The following KLHL1 variants were observed in gnomAD, a reference collection of about 807,000 sequenced individuals.
The protein encoded by KLHL1 is kelch-like protein 1.
A neutral mutation model predicts 77.7 loss-of-function variants in KLHL1; 47 were observed. The observed-to-expected ratio is 0.60, with a 90% CI of 0.48 to 0.77. KLHL1 has a LOEUF of 0.77. Among genes scored for constraint, KLHL1 ranks in the 30% least tolerant of loss-of-function variants. The pLI is 0.00. For missense variants in KLHL1, 925 were observed against 910.8 expected (o/e 1.02, Z -0.20); for synonymous variants, 360 against 325.2 (o/e 1.11, Z -1.15).
At chr13:70,098,321 T>C (rs1208644275) in intron 1 of KLHL1, among the ~76,000 whole-genome samples, 2 of 151,912 alleles carry the variant, frequency 1.3e-5, no homozygotes, top group African/African-American at 4.8e-5. Context: ...TTTTTGCTTT[T>C]ATTTTTGCTA....
At position 69,855,305 on chromosome 13, in the gene KLHL1, TAGATAGATAGATA is replaced by T. The variant is rs1406845205; in HGVS notation, c.1228-16156_1228-16144del. Among the ~76,000 whole-genome samples the T allele has an allele frequency of 5.9e-4, 61 of 103,536 alleles. 1 individual carries two copies. The highest frequency in any genetic ancestry group is 2.3e-3 in the African/African-American group (59 of 25,818). The allele number at this position is 103,536 out of a possible 152,430, so 67.9% of individuals were successfully genotyped here. ...TACTAATTTTAGATAGATAGATAGA[TAGATAGATAGATA>T]GATAGATAGATAGATAGATAGATAG... On this transcript the variant is annotated intron_variant, in intron 5 of 10. Coordinates refer to ENST00000377844, the MANE Select transcript of KLHL1 (RefSeq NM_020866.3).
chr13:70,004,535 C>T (rs375376132), intron 1 of KLHL1, among the ~76,000 whole-genome samples: 47 of 151,760 alleles, frequency 3.1e-4, no homozygotes, highest in South Asian at 2.3e-3. Context: ...GACTAGTCCA[C>T]GTTTCCTTTT....
At chr13:70,072,547 T>C (rs901662232) in intron 1 of KLHL1, among the ~76,000 whole-genome samples, 6 of 152,102 alleles carry the variant, frequency 3.9e-5, no homozygotes, top group Non-Finnish European at 5.9e-5. Flanking sequence ...CTCAATGAGA[T>C]ATGAGCACAT....
At chr13:69,734,137 C>T (rs1474000244) in intron 8 of KLHL1, among the ~76,000 whole-genome samples, 1 of 152,066 alleles carries the variant, frequency 6.6e-6, no homozygotes, top group Non-Finnish European at 1.5e-5. Flanking sequence ...TAGCACTATC[C>T]CTCTTGGTAC....
intron 9 of KLHL1, among the ~76,000 whole-genome samples, chr13:69,715,891 TAGATA>T (rs1014545946): frequency 6.6e-6 from 1 of 152,164 alleles, no homozygotes; most frequent in Admixed American, 6.5e-5. Context: ...TAATAGTATT[TAGATA>T]AGATATAAGG....
chr13:70,049,288 T>C (rs1360025847), intron 1 of KLHL1, among the ~76,000 whole-genome samples: 1 of 152,178 alleles, frequency 6.6e-6, no homozygotes, highest in Non-Finnish European at 1.5e-5. Flanking sequence ...CTTTTATTTC[T>C]TGTTGTCTTG....
At chr13:69,772,760 T>A (rs1272714718) in intron 7 of KLHL1, among the ~76,000 whole-genome samples, 2 of 152,200 alleles carry the variant, frequency 1.3e-5, no homozygotes, top group African/African-American at 4.8e-5. Context: ...AACAAAGTGT[T>A]GTTTCTGAAT....
chr13:69,756,762 G>A (rs1271150504), intron 7 of KLHL1, among the ~76,000 whole-genome samples: 1 of 152,030 alleles, frequency 6.6e-6, no homozygotes, highest in African/African-American at 2.4e-5. Context: ...AATCCCTATT[G>A]ACAGAAACAA....
chr13:69,907,573 AG>A (rs1396133184), intron 4 of KLHL1, among the ~76,000 whole-genome samples: 4 of 152,072 alleles, frequency 2.6e-5, no homozygotes, highest in African/African-American at 9.7e-5. Flanking sequence ...GAGATAGACA[AG>A]GTAGCAAGAA....
chr13:70,094,315 A>C (rs1204562810), intron 1 of KLHL1, among the ~76,000 whole-genome samples: 1 of 151,730 alleles, frequency 6.6e-6, no homozygotes, highest in Non-Finnish European at 1.5e-5. Flanking sequence ...ACAGAGTGAG[A>C]ACCCAACTCT....
intron 1 of KLHL1, among the ~76,000 whole-genome samples, chr13:70,018,419 G>C (rs1381862449): frequency 6.6e-6 from 1 of 152,192 alleles, no homozygotes; most frequent in Non-Finnish European, 1.5e-5. Flanking sequence ...TTCAGCAGCT[G>C]TTCTAGCAGT....
At chr13:70,043,601 T>A (rs547368339) in intron 1 of KLHL1, among the ~76,000 whole-genome samples, 1 of 152,182 alleles carries the variant, frequency 6.6e-6, no homozygotes, top group Non-Finnish European at 1.5e-5. Context: ...TTATCTTTTA[T>A]ATCATTTTTA....
intron 6 of KLHL1, among the ~76,000 whole-genome samples, chr13:69,823,805 T>C (rs566941412): frequency 6.6e-6 from 1 of 152,162 alleles, no homozygotes; most frequent in East Asian, 1.9e-4. Flanking sequence ...ATCTCTGTAA[T>C]CATTGAAATT....
rs116172767 is a variant in KLHL1, at chr13:69,988,787, C to T, written c.498-12985G>A. Among the ~76,000 whole-genome samples, 1,103 of 152,096 alleles carry T rather than the reference C, an allele frequency of 7.3e-3. 15 individuals carry two copies. The highest frequency in any genetic ancestry group is 0.025 in the African/African-American group (1,044 of 41,510). Reference sequence around the variant, plus strand: ...TTTGACAAGTGTCTTCATGTCTTTGCCCACTTTTTAATGGTGTTGTTTGAT... The same window carrying T: ...TTTGACAAGTGTCTTCATGTCTTTGTCCACTTTTTAATGGTGTTGTTTGAT... On this transcript the variant is annotated intron_variant, in intron 1 of 10. Coordinates refer to ENST00000377844, the MANE Select transcript of KLHL1 (RefSeq NM_020866.3).
intron 8 of KLHL1, among the ~76,000 whole-genome samples, chr13:69,725,290 G>A (rs1056230626): frequency 2.0e-5 from 3 of 152,120 alleles, no homozygotes; most frequent in African/African-American, 7.2e-5. Flanking sequence ...ATGGACAATT[G>A]TCTGTTAACC....
intron 4 of KLHL1, among the ~76,000 whole-genome samples, chr13:69,902,882 G>T (rs867015618): frequency 1.3e-5 from 2 of 151,922 alleles, no homozygotes; most frequent in African/African-American, 4.8e-5. Flanking sequence ...TTGTGCACAT[G>T]TACCCTAAAA....
intron 5 of KLHL1, among the ~76,000 whole-genome samples, chr13:69,857,107 G>GT (rs1879948791): frequency 1.3e-5 from 2 of 151,950 alleles, no homozygotes; most frequent in African/African-American, 2.4e-5. Context: ...AATTCTTATA[G>GT]TGTATTCTTT....
intron 7 of KLHL1, among the ~76,000 whole-genome samples, chr13:69,772,011 G>T (rs1875594577): frequency 6.6e-6 from 1 of 151,960 alleles, no homozygotes; most frequent in Non-Finnish European, 1.5e-5. Flanking sequence ...GAATGCAGTG[G>T]CACAGTCTTG....
At chr13:69,788,808 C>T (rs536367884) in intron 7 of KLHL1, among the ~76,000 whole-genome samples, 1 of 152,218 alleles carries the variant, frequency 6.6e-6, no homozygotes, top group East Asian at 1.9e-4. Context: ...TTTAGAAAGA[C>T]TTGATCAGAG....
Sources: allele counts gnomAD v4.1 joint callset (sites outside exome capture counted in the v4.1 genomes callset), GRCh38; gene constraint gnomAD v4.1.1; transcripts MANE v1.5; gene names NCBI Gene and HGNC (gene_info 2026-07-23, HGNC 2026-07-21).